CCDC88A: variants seen among roughly 807,000 people sequenced by gnomAD.
The protein encoded by CCDC88A is girdin.
CCDC88A carries 54 observed loss-of-function variants against 234.3 expected under a neutral mutation model. That is an observed-to-expected ratio of 0.23 (90% CI 0.19 to 0.29). CCDC88A has a LOEUF of 0.29. Among genes scored for constraint, CCDC88A ranks in the 10% least tolerant of loss-of-function variants. CCDC88A has a pLI of 1.00. For missense variants in CCDC88A, 1,832 were observed against 2,123.4 expected, an observed-to-expected ratio of 0.86 and a Z score of 2.70; for synonymous variants, 753 against 737.8, an observed-to-expected ratio of 1.02 and a Z score of -0.33.
intron 7 of CCDC88A, among the ~76,000 whole-genome samples, chr2:55,360,918 G>A (rs1221211116): frequency 6.6e-6 from 1 of 152,098 alleles, no homozygotes; most frequent in East Asian, 1.9e-4. Flanking sequence ...GCCAAACCCT[G>A]TCTCTACTGA....
intron 2 of CCDC88A, among the ~76,000 whole-genome samples, chr2:55,415,385 G>C (rs11898783): frequency 0.049 from 7,417 of 151,932 alleles, 313 homozygotes; most frequent in African/African-American, 0.12. Context: ...GAAACAACTG[G>C]GGGGAAAAAA....
chr2:55,294,543 AAAC>A (rs1484513643), intron 31 of CCDC88A: 5 of 980,992 alleles, frequency 5.1e-6, no homozygotes, highest in Admixed American at 6.1e-5. Flanking sequence ...TGACAAAAGA[AAAC>A]AACATCTTTT....
In CCDC88A at chr2:55,322,517, A is replaced by G. The variant is rs758718319; in HGVS notation, c.3162+11T>C. On this transcript the variant is annotated intron_variant, in intron 18 of 32. Coordinates refer to ENST00000436346, the MANE Select transcript of CCDC88A (RefSeq NM_001365480.1). ...AAAAAACTATTTCTACTAAAATTTA[A>G]AAATACTTACATTTCTTTCTACTTC... 3 of 1,499,160 alleles carry G rather than the reference A, an allele frequency of 2.0e-6. No homozygotes were observed. The Admixed American group carries it at 5.5e-5, about 27-fold the overall frequency. 92.9% of individuals were successfully genotyped at this position (1,499,160 alleles called of 1,614,324 possible).
At position 55,299,853 on chromosome 2, in the gene CCDC88A, A is replaced by T. The variant is rs201257221; in HGVS notation, c.4811T>A (p.Leu1604Gln). ...STSNSNNNAS[L>Q]HEVKAGAVNN... is the part of the protein sequence containing the mutation. Reference sequence around the variant, plus strand: ...CTACAGCATACCTTTGACTTCATGTAGTGAAGCATTATTATTGCTATTGCT... The same window carrying T: ...CTACAGCATACCTTTGACTTCATGTTGTGAAGCATTATTATTGCTATTGCT... The change falls in exon 29 of 33, where the codon CTA becomes CAA. Residue 1604 changes from leucine to glutamine, a missense_variant. Coordinates refer to ENST00000436346, the MANE Select transcript of CCDC88A (RefSeq NM_001365480.1). 1.9e-5 allele frequency: 30 copies of T among 1,609,780 alleles called. No homozygotes were observed. The highest frequency in any genetic ancestry group is 5.3e-5 in the African/African-American group (4 of 74,818).
Position 55,339,567 on chromosome 2 carries a change from A to C in CCDC88A, c.1415T>G (p.Leu472Trp). Residue 472 changes from leucine (L) to tryptophan (W), a missense_variant, in exon 13 of 33, where the codon TTG becomes TGG. This residue lies in a region of CCDC88A where 1,282 missense variants were observed against 1,543.6 expected (regional missense o/e 0.83). Coordinates refer to ENST00000436346, the MANE Select transcript of CCDC88A (RefSeq NM_001365480.1). ...CCGAAGCTCTTCTACGGTTTTTGTC[A>C]AACTTTGATTTTCCATCTCTAGCTT... is the stretch of plus-strand genomic sequence containing the variant. Reference protein sequence around the residue: ...LLKLEMENQSLTKTVEELRTT... With the variant: ...LLKLEMENQSWTKTVEELRTT... The C allele has an allele frequency of 1.2e-6, 2 of 1,613,900 alleles. No homozygotes were observed. The highest frequency in any genetic ancestry group is 1.7e-6 in the Non-Finnish European group (2 of 1,179,926).
intron 25 of CCDC88A, among the ~76,000 whole-genome samples, chr2:55,307,125 C>G (rs1470127944): frequency 6.6e-6 from 1 of 152,080 alleles, no homozygotes; most frequent in Non-Finnish European, 1.5e-5. Flanking sequence ...GTATCCTGTT[C>G]ACATATTTTG....
chr2:55,330,505 T>TAA (rs34273301), intron 16 of CCDC88A, among the ~76,000 whole-genome samples: 91,984 of 151,590 alleles, frequency 0.61, 28,610 homozygotes, highest in Admixed American at 0.67. Context: ...CTTAGATTAA[T>TAA]AGGAATTAGG....
At chr2:55,322,718 A>T in intron 17 of CCDC88A, 26 bp from the exon 18 acceptor site, 1 of 1,291,738 alleles carries the variant, frequency 7.7e-7, no homozygotes, top group Non-Finnish European at 1.1e-6. Context: ...AAATATTTTA[A>T]TGGGGAGAAA....
In CCDC88A at chr2:55,332,646, G is replaced by A. The variant is rs1344317876; in HGVS notation, c.2775C>T (p.Leu925=). 6.2e-7 allele frequency: 1 copy of A among 1,613,072 alleles called. No homozygotes were observed. Among genetic ancestry groups the A allele is most frequent in the Non-Finnish European group, 8.5e-7 (1 of 1,179,562 alleles). Residue 925 remains leucine (L), a synonymous_variant, in exon 16 of 33, where the codon CTC becomes CTT. Transcript: ENST00000436346. The surrounding 1 kb of genome is among the most constrained non-coding windows in gnomAD (Gnocchi z 4.5). ...TCTCAAGCTCATGAGTTAATTTTTC[G>A]AGATCATTGTTCATCTGTTGGGTCT... The part of the protein sequence containing the change: ...KLKTQQMNND[L]EKLTHELEKI...
chr2:55,357,466 G>C (rs1670743292), intron 7 of CCDC88A, among the ~76,000 whole-genome samples: 1 of 150,926 alleles, frequency 6.6e-6, no homozygotes, highest in Non-Finnish European at 1.5e-5. Flanking sequence ...TAAACTTTAA[G>C]GGCTATAGGT....
intron 22 of CCDC88A, chr2:55,313,918 C>A (rs1382666174): frequency 6.6e-6 from 1 of 152,104 alleles, no homozygotes; most frequent in Admixed American, 6.6e-5. Context: ...CATTAAAAAA[C>A]TGAATGCATT....
Position 55,334,807 on chromosome 2 carries a change from T to C in CCDC88A, c.2014A>G (p.Asn672Asp). ...EQENSELERE[N>D]RKLKKTLDSF... ...TCCAATGTTTTTTTTAATTTTCTAT[T>C]TTCTCTTTCTAGCTCTGAATTTTCT... The change falls in exon 15 of 33, where the codon AAT (asparagine) becomes GAT (aspartate). Residue 672 changes from asparagine to aspartate, a missense_variant. Asn to Asp is a conservative substitution (Grantham distance 23). This residue lies in a region of CCDC88A where 1,282 missense variants were observed against 1,543.6 expected (regional missense o/e 0.83). Transcript: ENST00000436346. The surrounding 1 kb of genome is among the most constrained non-coding windows in gnomAD (Gnocchi z 6.1). The C allele has an allele frequency of 6.3e-7, 1 of 1,577,320 alleles. No homozygotes were observed. The highest frequency in any genetic ancestry group is 8.6e-7 in the Non-Finnish European group (1 of 1,162,348).
intron 2 of CCDC88A, among the ~76,000 whole-genome samples, chr2:55,398,753 A>G (rs1017282195): frequency 2.6e-5 from 4 of 152,072 alleles, no homozygotes; most frequent in Admixed American, 6.6e-5. Flanking sequence ...TCTCCACAAA[A>G]AAATTTAAAA....
intron 3 of CCDC88A, among the ~76,000 whole-genome samples, chr2:55,382,327 C>A (rs556839720): frequency 1.3e-5 from 2 of 152,334 alleles, no homozygotes; most frequent in South Asian, 2.1e-4. Context: ...ATACTAGTGA[C>A]ATCATACCAT....
At chr2:55,296,635 T>G (rs533598171) in intron 29 of CCDC88A, 112 bp from the exon 30 acceptor site, 965 of 1,021,038 alleles carry the variant, frequency 9.5e-4, no homozygotes, top group Middle Eastern at 2.0e-3. Flanking sequence ...CAAATTTACT[T>G]TCAAGCTTTA....
intron 11 of CCDC88A, chr2:55,344,149 T>C (rs982756358): frequency 2.6e-6 from 1 of 381,900 alleles, no homozygotes; most frequent in East Asian, 4.0e-5. Flanking sequence ...TATTAAAAGG[T>C]TGAAGACAAC....
In CCDC88A at chr2:55,317,445, A is replaced by T; in HGVS notation, c.3603-96T>A. ...AATGAGTATCATTTAAAACACATGT[A>T]AATTTATATAAATTTCTTATGTAAA... On this transcript the variant is annotated intron_variant, in intron 20 of 32. Coordinates refer to ENST00000436346, the MANE Select transcript of CCDC88A (RefSeq NM_001365480.1). This position sits in a 1 kb window ranked among gnomAD's most constrained non-coding sequence, Gnocchi z 4.2. 1 of 1,148,872 alleles carries T rather than the reference A, an allele frequency of 8.7e-7. No homozygotes were observed. The highest frequency in any genetic ancestry group is 1.2e-6 in the Non-Finnish European group (1 of 845,268). 71.2% of individuals were successfully genotyped at this position (1,148,872 alleles called of 1,614,324 possible).
At chr2:55,344,195 A>C (rs1267406984) in intron 11 of CCDC88A, 173 bp downstream of exon 11, 1 of 411,818 alleles carries the variant, frequency 2.4e-6, no homozygotes, top group African/African-American at 2.1e-5. Context: ...CAAAAGCAGA[A>C]ATTTCTACTA....
At chr2:55,371,976 A>G (rs1177635497) in intron 5 of CCDC88A, among the ~76,000 whole-genome samples, 1 of 152,218 alleles carries the variant, frequency 6.6e-6, no homozygotes, top group East Asian at 1.9e-4. Flanking sequence ...CATTGATCAA[A>G]GAGCAATATA....
Sources: gnomAD v4.1 joint callset for allele counts (sites outside exome capture counted in the v4.1 genomes callset) on GRCh38, gnomAD v4.1.1 for gene constraint, gnomAD v4.1.1 regional missense constraint, Gnocchi (gnomAD v3.1) non-coding constraint, MANE v1.5 for transcripts, NCBI Gene and HGNC (gene_info 2026-07-23, HGNC 2026-07-21) for gene names.